The following TTC17 variants were observed in gnomAD, a reference collection of about 807,000 sequenced individuals.
TTC17 encodes tetratricopeptide repeat domain 17.
Under a neutral mutation model 143.8 loss-of-function variants are expected in TTC17, and 58 were observed. The ratio of observed to expected loss-of-function variants is 0.40; its 90% CI spans 0.33 to 0.50. The LOEUF is 0.50. Among genes scored for constraint, TTC17 ranks in the 20% least tolerant of loss-of-function variants. The probability of loss-of-function intolerance (pLI) is 0.49; values close to 1 mark genes in which losing one functional copy is unlikely to be tolerated. For synonymous variants in TTC17, 501 were observed against 497.8 expected, an observed-to-expected ratio of 1.01 and a Z score of -0.09; for missense variants, 1,273 against 1,392.5, an observed-to-expected ratio of 0.91 and a Z score of 1.37.
At chr11:43,449,653 C>T (rs1422806752) in intron 19 of TTC17, 2 of 153,014 alleles carry the variant, frequency 1.3e-5, no homozygotes, top group African/African-American at 4.8e-5. Context: ...TTTTAAATAG[C>T]TGCAAGTAAA....
At chr11:43,424,423 A>G (rs1242304422) in intron 16 of TTC17, among the ~76,000 whole-genome samples, 2 of 151,276 alleles carry the variant, frequency 1.3e-5, no homozygotes, top group African/African-American at 4.8e-5. Context: ...ACATGTAATA[A>G]TAATAGAACA....
At chr11:43,360,937 T>C (rs1590293611) in intron 1 of TTC17, among the ~76,000 whole-genome samples, 1 of 152,300 alleles carries the variant, frequency 6.6e-6, no homozygotes, top group Non-Finnish European at 1.5e-5. Flanking sequence ...CATTGAATTT[T>C]CCAATACTTT....
chr11:43,461,829 G>A lies in TTC17; in HGVS notation c.3030+10564G>A, dbSNP rs555231739. 8.5e-5 allele frequency among the ~76,000 whole-genome samples: 13 copies of A among 152,228 alleles called. No homozygotes were observed. In the East Asian group the frequency reaches 2.3e-3, roughly 27 times the overall value. The stretch of plus-strand genomic sequence containing the variant: ...AATTGGTATCAGCCAAGTAGTAAAA[G>A]TAATAATTTGCATTGGCCTTAATAA... On this transcript the variant is annotated intron_variant, in intron 21 of 23. Transcript: ENST00000039989.
intron 21 of TTC17, among the ~76,000 whole-genome samples, chr11:43,453,273 A>G (rs1025413249): frequency 6.6e-6 from 1 of 152,226 alleles, no homozygotes. Context: ...TTCTATTTCT[A>G]TAAAATATAT....
At chr11:43,465,905 G>T (rs1335051121) in intron 21 of TTC17, among the ~76,000 whole-genome samples, 1 of 152,052 alleles carries the variant, frequency 6.6e-6, no homozygotes, top group Middle Eastern at 3.2e-3. Flanking sequence ...CAAAAGCACA[G>T]GCAACAAATG....
rs1215182615 is a variant in TTC17, at chr11:43,400,716, G to T, written c.1219+668G>T. Among the ~76,000 whole-genome samples, 4 of 152,100 alleles carry T rather than the reference G, an allele frequency of 2.6e-5. No homozygotes were observed. The South Asian group carries it at 8.3e-4, about 32-fold the overall frequency. On this transcript the variant is annotated intron_variant, in intron 9 of 23. Coordinates refer to ENST00000039989, the MANE Select transcript of TTC17 (RefSeq NM_018259.6). ...TATTTTTCTGGGAAGAGGGTATCTA[G>T]CTTTTATTAAAATCTCTCAAGCATC... is the stretch of plus-strand genomic sequence containing the variant.
At position 43,444,154 on chromosome 11, in the gene TTC17, T is replaced by A. The variant is rs1565169893; in HGVS notation, c.2610T>A (p.Arg870=). 6.2e-7 allele frequency: 1 copy of A among 1,613,290 alleles called. No homozygotes were observed. Among genetic ancestry groups the A allele is most frequent in the African/African-American group, 1.3e-5 (1 of 75,002 alleles). The change falls in exon 18 of 24, where the codon CGT becomes CGA. Residue 870 remains arginine, a synonymous_variant. Coordinates refer to ENST00000039989, the MANE Select transcript of TTC17 (RefSeq NM_018259.6). ...CAGGTCAGATAGAAAATGGACATCG[T>A]TACCAAGCAAACCTAGAGATCACTG... ...VETGQIENGH[R]YQANLEITGP...
At chr11:43,387,402 A>G (rs1857209378) in intron 2 of TTC17, among the ~76,000 whole-genome samples, 1 of 152,326 alleles carries the variant, frequency 6.6e-6, no homozygotes, top group Admixed American at 6.5e-5. Flanking sequence ...CCATTGGCCA[A>G]AGCAAGTCAT....
chr11:43,430,434 C>CA (rs1030326203), intron 16 of TTC17, among the ~76,000 whole-genome samples: 5 of 151,036 alleles, frequency 3.3e-5, no homozygotes, highest in African/African-American at 7.3e-5. Flanking sequence ...TCCAAACAAA[C>CA]AAAAAAAACT....
chr11:43,398,698 C>T (rs1029632349), intron 8 of TTC17, among the ~76,000 whole-genome samples: 1 of 152,168 alleles, frequency 6.6e-6, no homozygotes, highest in Non-Finnish European at 1.5e-5. Flanking sequence ...TTCCTTCAAT[C>T]AGTAGGGCTA....
chr11:43,470,476 A>C (rs1320605659), intron 21 of TTC17, among the ~76,000 whole-genome samples: 1 of 152,192 alleles, frequency 6.6e-6, no homozygotes, highest in East Asian at 1.9e-4. Flanking sequence ...GAACCGTGAC[A>C]CTCAGAAGCT....
chr11:43,418,985 C>A (rs1946839937), intron 16 of TTC17, among the ~76,000 whole-genome samples: 1 of 152,058 alleles, frequency 6.6e-6, no homozygotes, highest in Admixed American at 6.6e-5. Flanking sequence ...TTTTAATGGT[C>A]TATATTTATT....
intron 16 of TTC17, among the ~76,000 whole-genome samples, chr11:43,439,860 A>G (rs959290780): frequency 1.3e-5 from 2 of 152,062 alleles, no homozygotes; most frequent in African/African-American, 4.8e-5. Context: ...CCTTCCCACT[A>G]CCCTGGAATA....
At chr11:43,425,297 A>G (rs911536621) in intron 16 of TTC17, among the ~76,000 whole-genome samples, 1 of 152,132 alleles carries the variant, frequency 6.6e-6, no homozygotes, top group African/African-American at 2.4e-5. Context: ...TAAACCTGGG[A>G]AACATGATGG....
At chr11:43,365,809 G>A (rs1856314031) in intron 1 of TTC17, among the ~76,000 whole-genome samples, 1 of 152,120 alleles carries the variant, frequency 6.6e-6, no homozygotes, top group African/African-American at 2.4e-5. Context: ...GTATAATGCA[G>A]GTAGACCACA....
intron 5 of TTC17, among the ~76,000 whole-genome samples, chr11:43,394,001 T>A (rs1248141889): frequency 4.6e-5 from 7 of 152,194 alleles, no homozygotes; most frequent in Non-Finnish European, 1.0e-4. Context: ...CAGAGAGAGA[T>A]CTGTCTCTTC....
At chr11:43,412,069 A>T (rs1003241712) in intron 15 of TTC17, among the ~76,000 whole-genome samples, 25 of 152,356 alleles carry the variant, frequency 1.6e-4, no homozygotes, top group Admixed American at 1.3e-3. Context: ...AAATATAAAA[A>T]CACTATAGAT....
At chr11:43,378,946 TC>T (rs1425112068) in intron 1 of TTC17, 4 of 303,302 alleles carry the variant, frequency 1.3e-5, no homozygotes, top group African/African-American at 9.0e-5. Context: ...AGTTACTTTA[TC>T]AATCATTGCC....
chr11:43,465,107 T>G (rs1235390438), intron 21 of TTC17, among the ~76,000 whole-genome samples: 1 of 152,238 alleles, frequency 6.6e-6, no homozygotes, highest in African/African-American at 2.4e-5. Context: ...TAAGGGTAAG[T>G]GAACTTTGGT....
Sources: gnomAD v4.1 joint callset for allele counts (sites outside exome capture counted in the v4.1 genomes callset) on GRCh38, gnomAD v4.1.1 for gene constraint, MANE v1.5 for transcripts, NCBI Gene and HGNC (gene_info 2026-07-23, HGNC 2026-07-21) for gene names.